Variants in ATAD2B observed in about 807,000 individuals in gnomAD.
ATAD2B encodes ATPase family AAA domain containing 2B, also known as ATPase family AAA domain-containing protein 2B.
In ATAD2B, 40 loss-of-function variants were observed where a neutral mutation model predicts 167.6. That is an observed-to-expected ratio of 0.24 (90% CI 0.19 to 0.31). The LOEUF (loss-of-function observed/expected upper bound fraction) is 0.31, where lower values mean the gene tolerates loss of function less well. Among genes scored for constraint, ATAD2B ranks in the 10% least tolerant of loss-of-function variants. The pLI, the probability that ATAD2B is intolerant of heterozygous loss-of-function variation, is 1.00. For synonymous variants in ATAD2B, 579 were observed against 596.5 expected (o/e 0.97, Z 0.43); for missense variants, 1,242 against 1,757.2 (o/e 0.71, Z 5.24).
intron 12 of ATAD2B, 21 bp downstream of exon 12, chr2:23,863,360 G>C: frequency 6.5e-7 from 1 of 1,545,350 alleles, no homozygotes; most frequent in Non-Finnish European, 8.7e-7. Context: ...AAAGACTCTT[G>C]AATTAGATGA....
At chr2:23,872,449 C>G in intron 8 of ATAD2B, 1 of 727,482 alleles carries the variant, frequency 1.4e-6, no homozygotes, top group Non-Finnish European at 2.5e-6. Context: ...GAGGCTGTTG[C>G]CATGCACTGC....
At chr2:23,912,965 T>C (rs888868767) in intron 1 of ATAD2B, among the ~76,000 whole-genome samples, 25 of 152,088 alleles carry the variant, frequency 1.6e-4, no homozygotes, top group Admixed American at 9.2e-4. Flanking sequence ...CACTGCACTC[T>C]AGCCTGGGTG....
At chr2:23,883,279 CA>C (rs56994882) in intron 6 of ATAD2B, among the ~76,000 whole-genome samples, 52,978 of 89,358 alleles carry the variant, frequency 0.59, 12,920 homozygotes, top group Middle Eastern at 0.75. Context: ...AAAACTGTCT[CA>C]AAAAAAAAAA....
chr2:23,706,433 C>G, the ATAD2B span: 1 of 1,377,742 alleles, frequency 7.3e-7, no homozygotes, highest in Non-Finnish European at 9.4e-7. Flanking sequence ...TCTCCAGGGC[C>G]AAGTTGGAAG....
intron 1 of ATAD2B, among the ~76,000 whole-genome samples, chr2:23,923,543 G>A (rs1025509399): frequency 6.6e-6 from 1 of 151,986 alleles, no homozygotes; most frequent in Non-Finnish European, 1.5e-5. Flanking sequence ...GGAAACTTTA[G>A]GAATGACGGA....
At chr2:23,815,248 G>C (rs1686263481) in intron 17 of ATAD2B, among the ~76,000 whole-genome samples, 2 of 152,130 alleles carry the variant, frequency 1.3e-5, no homozygotes, top group Non-Finnish European at 2.9e-5. Flanking sequence ...TAGTAACCCA[G>C]GCATGACATG....
At chr2:23,776,928 T>C (rs193294785) in intron 22 of ATAD2B, among the ~76,000 whole-genome samples, 16 of 152,200 alleles carry the variant, frequency 1.1e-4, no homozygotes, top group Non-Finnish European at 1.9e-4. Flanking sequence ...TCTAAATTTA[T>C]ATGTGGAAGG....
chr2:23,792,151 C>T (rs1681846339), intron 19 of ATAD2B, among the ~76,000 whole-genome samples: 3 of 151,780 alleles, frequency 2.0e-5, no homozygotes, highest in Admixed American at 2.0e-4. Flanking sequence ...CAAGCTCCGC[C>T]TCCTGGGTTC....
the ATAD2B span, among the ~76,000 whole-genome samples, chr2:23,739,970 C>G: frequency 4.6e-5 from 7 of 152,134 alleles, no homozygotes; most frequent in South Asian, 2.1e-4. Context: ...ATAAATTCCT[C>G]GACACATACA....
chr2:23,771,988 T>A (rs1439198894), intron 22 of ATAD2B, among the ~76,000 whole-genome samples: 1 of 152,160 alleles, frequency 6.6e-6, no homozygotes, highest in Non-Finnish European at 1.5e-5. Flanking sequence ...CCTGGGCTGC[T>A]CCTCCTGGGG....
At position 23,795,311 on chromosome 2, in the gene ATAD2B, T is replaced by C. The variant is rs142311145; in HGVS notation, c.2640+2827A>G. Among the ~76,000 whole-genome samples, 699 of 152,250 alleles carry C rather than the reference T, an allele frequency of 4.6e-3. 3 individuals carry two copies. The highest frequency in any genetic ancestry group is 0.016 in the African/African-American group (661 of 41,534). On this transcript the variant is annotated intron_variant, in intron 19 of 27. Transcript: ENST00000238789. ...TTTTAAAACAATACATTTAAACATA[T>C]TTTCATGACATTAAATTTTCTCTTT...
At chr2:23,849,272 C>T (rs1330708957) in intron 13 of ATAD2B, among the ~76,000 whole-genome samples, 1 of 152,080 alleles carries the variant, frequency 6.6e-6, no homozygotes, top group Non-Finnish European at 1.5e-5. Flanking sequence ...ACCACACAAA[C>T]AGCATGAAGT....
intron 1 of ATAD2B, among the ~76,000 whole-genome samples, chr2:23,906,547 G>A (rs1048648766): frequency 8.6e-5 from 13 of 152,028 alleles, no homozygotes; most frequent in South Asian, 4.2e-4. Context: ...TTCAATTCCC[G>A]GGTATCCTTG....
chr2:23,691,637 G>T, the ATAD2B span: 1 of 1,537,258 alleles, frequency 6.5e-7, no homozygotes, highest in South Asian at 1.2e-5. Context: ...GGTGGCCGCA[G>T]GGCAGGAGGT....
intron 1 of ATAD2B, among the ~76,000 whole-genome samples, chr2:23,910,145 T>A (rs539131510): frequency 6.6e-6 from 1 of 151,192 alleles, no homozygotes; most frequent in East Asian, 1.9e-4. Flanking sequence ...AATACAGGTG[T>A]GAGCCACTGT....
chr2:23,764,634 T>C (rs1292917870), intron 23 of ATAD2B, among the ~76,000 whole-genome samples: 2 of 152,260 alleles, frequency 1.3e-5, no homozygotes, highest in Middle Eastern at 3.4e-3. Flanking sequence ...ACAAATAATA[T>C]AATGCCAAAT....
chr2:23,836,487 A>G (rs1159803383), intron 13 of ATAD2B, among the ~76,000 whole-genome samples: 2 of 152,166 alleles, frequency 1.3e-5, no homozygotes, highest in African/African-American at 4.8e-5. Context: ...CCCTGTTTGT[A>G]TTATAGCTCT....
chr2:23,768,242 G>A (rs984319413), intron 22 of ATAD2B, among the ~76,000 whole-genome samples: 2 of 152,020 alleles, frequency 1.3e-5, no homozygotes, highest in Non-Finnish European at 2.9e-5. Context: ...CAACAATAAA[G>A]ATAATCAATG....
rs762203718 is a variant in ATAD2B at position 23,788,495 on chromosome 2, G to T, written c.2776+17C>A. 1 of 1,610,424 alleles carries T rather than the reference G, an allele frequency of 6.2e-7. No individual in the cohort carries two copies. The highest frequency in any genetic ancestry group is 1.1e-5 in the South Asian group (1 of 90,750). On this transcript the variant is annotated intron_variant, in intron 20 of 27. Transcript: ENST00000238789. ...ACTCCATCCCTCCCATTTTCCTAAA[G>T]GCTTTACAAACTTTACCAGCATGTT...
Sources: allele counts gnomAD v4.1 joint callset (sites outside exome capture counted in the v4.1 genomes callset), GRCh38; gene constraint gnomAD v4.1.1; transcripts MANE v1.5; gene names NCBI Gene and HGNC (gene_info 2026-07-23, HGNC 2026-07-21).